EMSY: variants seen among roughly 807,000 people sequenced by gnomAD.
The protein encoded by EMSY is BRCA2-interacting transcriptional repressor EMSY.
A neutral mutation model predicts 134.6 loss-of-function variants in EMSY; 26 were observed. The observed-to-expected ratio is 0.19, with a 90% CI of 0.14 to 0.27. EMSY has a LOEUF of 0.27. Ranked by LOEUF, EMSY falls within the 10% of genes least tolerant of loss-of-function variation. The probability of loss-of-function intolerance (pLI) is 1.00; values close to 1 mark genes in which losing one functional copy is unlikely to be tolerated. For synonymous variants in EMSY, 579 were observed against 577.8 expected (o/e 1.00, Z -0.03); for missense variants, 1,305 against 1,611.4 (o/e 0.81, Z 3.26).
At chr11:76,535,527 A>G (rs1412393734) in intron 14 of EMSY, among the ~76,000 whole-genome samples, 3 of 152,210 alleles carry the variant, frequency 2.0e-5, no homozygotes, top group East Asian at 3.8e-4. Flanking sequence ...GTATCTATTT[A>G]TAATAGCAAT....
At chr11:76,502,130 A>T (rs1416067793) in intron 9 of EMSY, among the ~76,000 whole-genome samples, 1 of 151,274 alleles carries the variant, frequency 6.6e-6, no homozygotes, top group Non-Finnish European at 1.5e-5. Flanking sequence ...TTTACCAAAT[A>T]AACAAAATCT....
At chr11:76,535,694 A>G (rs894485741) in intron 14 of EMSY, among the ~76,000 whole-genome samples, 4 of 152,180 alleles carry the variant, frequency 2.6e-5, no homozygotes, top group African/African-American at 7.2e-5. Flanking sequence ...TGTGAAATCA[A>G]TGAATGAGTG....
chr11:76,488,857 G>T (rs941828062), intron 8 of EMSY, among the ~76,000 whole-genome samples: 10 of 152,106 alleles, frequency 6.6e-5, no homozygotes, highest in Admixed American at 2.6e-4. Flanking sequence ...TACATTTCAG[G>T]TTCTACATCT....
chr11:76,449,975 A>G (rs997550968), intron 2 of EMSY, among the ~76,000 whole-genome samples: 3 of 152,172 alleles, frequency 2.0e-5, no homozygotes, highest in African/African-American at 7.2e-5. Context: ...AAACTCTCAA[A>G]CATAGTTACT....
intron 8 of EMSY, among the ~76,000 whole-genome samples, chr11:76,473,086 G>T (rs555144519): frequency 6.6e-6 from 1 of 152,162 alleles, no homozygotes; most frequent in Non-Finnish European, 1.5e-5. Flanking sequence ...TTCACAAAAT[G>T]TAGGTTAAAT....
intron 16 of EMSY, among the ~76,000 whole-genome samples, chr11:76,539,335 A>G (rs190854196): frequency 6.6e-6 from 1 of 152,350 alleles, no homozygotes; most frequent in East Asian, 1.9e-4. Context: ...TGAAGGACAT[A>G]AATACCAAAA....
At position 76,529,152 on chromosome 11, in the gene EMSY, T is replaced by C. The variant is rs540325917; in HGVS notation, c.2194+686T>C. ...CATGATCATAAACTTTGAGACCTTC[T>C]ACAAATCTAGTACTCATGTCTCTCA... On this transcript the variant is annotated intron_variant, in intron 14 of 20. Transcript: ENST00000334736. Among the ~76,000 whole-genome samples the C allele has an allele frequency of 5.9e-5, 9 of 152,308 alleles. No homozygotes were observed. The South Asian group carries it at 1.9e-3, about 32-fold the overall frequency.
At position 76,519,085 on chromosome 11, in the gene EMSY, G is replaced by T. The variant is rs1346973540; in HGVS notation, c.1684+2773G>T. On this transcript the variant is annotated intron_variant, in intron 11 of 20. Transcript: ENST00000334736. ...CATATCTTTTTTTTTTTTTTTTTGA[G>T]ACAGACTCCTGCTGTGTCACCTAGG... is the stretch of plus-strand genomic sequence containing the variant. 2.9e-5 allele frequency among the ~76,000 whole-genome samples: 4 copies of T among 139,764 alleles called. 1 individual carries two copies. Among genetic ancestry groups the T allele is most frequent in the African/African-American group, 8.0e-5 (3 of 37,462 alleles). 91.7% of individuals were successfully genotyped at this position (139,764 alleles called of 152,430 possible).
chr11:76,478,997 GT>G (rs1948870770), intron 8 of EMSY, among the ~76,000 whole-genome samples: 1 of 151,750 alleles, frequency 6.6e-6, no homozygotes, highest in African/African-American at 2.4e-5. Flanking sequence ...TTTTTGTAGA[GT>G]TTACTAAATA....
Position 76,496,108 on chromosome 11 carries a change from T to C in EMSY, c.1109-107T>C, listed in dbSNP as rs944471263. The C allele has an allele frequency of 5.6e-6, 7 of 1,247,804 alleles. No individual in the cohort carries two copies. In the Admixed American group the frequency reaches 1.5e-4, roughly 26 times the overall value. The allele number at this position is 1,247,804 out of a possible 1,614,324, so 77.3% of individuals were successfully genotyped here. On this transcript the variant is annotated intron_variant, in intron 8 of 20. Coordinates refer to ENST00000334736, the Ensembl canonical transcript of EMSY. ...ACTAGGTGCTCAATAAATTGTACTT[T>C]TTGTTGATTTCCCTATTCTTTAAAC...
At chr11:76,492,788 G>T (rs1164544995) in intron 8 of EMSY, among the ~76,000 whole-genome samples, 4 of 152,186 alleles carry the variant, frequency 2.6e-5, no homozygotes, top group African/African-American at 9.7e-5. Flanking sequence ...CTCAGACTTA[G>T]AACCTAAGTG....
chr11:76,545,849 A>C, exon 20 of EMSY: 2 of 1,613,880 alleles, frequency 1.2e-6, no homozygotes, highest in Non-Finnish European at 1.7e-6. Flanking sequence ...ATAACTTTTG[A>C]GGGGCGCCAG....
At chr11:76,509,974 G>C (rs1323459027) in intron 9 of EMSY, among the ~76,000 whole-genome samples, 1 of 152,148 alleles carries the variant, frequency 6.6e-6, no homozygotes, top group Non-Finnish European at 1.5e-5. Flanking sequence ...TGGGAGAATT[G>C]CTTTAGCTCA....
At chr11:76,456,986 G>A (rs536030256) in intron 4 of EMSY, among the ~76,000 whole-genome samples, 110 of 152,202 alleles carry the variant, frequency 7.2e-4, no homozygotes, top group Middle Eastern at 3.4e-3. Context: ...TTAGTTGCGT[G>A]ACCTTAGGCA....
At chr11:76,518,191 A>C in intron 11 of EMSY, among the ~76,000 whole-genome samples, 1 of 142,788 alleles carries the variant, frequency 7.0e-6, no homozygotes, top group African/African-American at 2.6e-5. Flanking sequence ...TTTTTTTAAG[A>C]CAGAGTATCA....
intron 10 of EMSY, among the ~76,000 whole-genome samples, chr11:76,515,032 T>C (rs908354008): frequency 3.3e-5 from 5 of 151,902 alleles, no homozygotes; most frequent in African/African-American, 1.2e-4. Flanking sequence ...ATTCAAACTA[T>C]GTATCCATAT....
At chr11:76,474,909 G>A (rs1948717896) in intron 8 of EMSY, among the ~76,000 whole-genome samples, 1 of 152,086 alleles carries the variant, frequency 6.6e-6, no homozygotes. Flanking sequence ...GACCTCAGGT[G>A]TGTGCCACCA....
At chr11:76,544,216 T>C (rs1220193376) in intron 18 of EMSY, 43 bp from the exon 20 acceptor site, 1 of 1,522,540 alleles carries the variant, frequency 6.6e-7, no homozygotes, top group South Asian at 1.2e-5. Flanking sequence ...GCAATGTAGA[T>C]GTTTTTCTTA....
chr11:76,524,837 A>T (rs1030350241), intron 12 of EMSY, among the ~76,000 whole-genome samples: 1 of 152,224 alleles, frequency 6.6e-6, no homozygotes, highest in Non-Finnish European at 1.5e-5. Context: ...CAGCCTGAGC[A>T]ACATGGTGAA....
Sources: allele counts gnomAD v4.1 joint callset (sites outside exome capture counted in the v4.1 genomes callset), GRCh38; gene constraint gnomAD v4.1.1; transcripts MANE v1.5; gene names NCBI Gene and HGNC (gene_info 2026-07-23, HGNC 2026-07-21).